NRL: variants seen among roughly 807,000 people sequenced by gnomAD.
NRL encodes the protein neural retina leucine zipper, also known as neural retina-specific leucine zipper protein.
A neutral mutation model predicts 12.5 loss-of-function variants in NRL; 16 were observed. The observed-to-expected ratio is 1.28, with a 90% CI of 0.87 to 1.95. NRL has a LOEUF of 1.95. Among genes scored for constraint, NRL ranks in the 30% most tolerant of loss-of-function variants. The pLI is 0.00. For missense variants in NRL, 314 were observed against 325.8 expected (o/e 0.96, Z 0.28); for synonymous variants, 142 against 150.9 (o/e 0.94, Z 0.43).
chr14:24,098,317 G>GCTGGGCAA (rs754546286), intron 1 of NRL: 1 of 1,614,014 alleles, frequency 6.2e-7, no homozygotes, highest in African/African-American at 1.3e-5. Flanking sequence ...CCCGTGGGCA[G>GCTGGGCAA]CTGGGCAACT....
At chr14:24,100,026 C>A in intron 1 of NRL, 1 of 1,614,078 alleles carries the variant, frequency 6.2e-7, no homozygotes, top group East Asian at 2.2e-5. Flanking sequence ...CTGAGAACGG[C>A]TTCTTTGGGG....
At chr14:24,100,940 T>C (rs899876989) in intron 1 of NRL, among the ~76,000 whole-genome samples, 5 of 152,168 alleles carry the variant, frequency 3.3e-5, no homozygotes, top group Admixed American at 3.3e-4. Context: ...CAGTATTCTT[T>C]CCATGGCCTT....
intron 1 of NRL, chr14:24,110,298 G>T: frequency 2.9e-6 from 1 of 350,286 alleles, no homozygotes; most frequent in Non-Finnish European, 6.0e-6. Context: ...TCGTAGAGAT[G>T]GGGTTTCGTC....
At chr14:24,113,423 A>C (rs1454607372) in intron 1 of NRL, among the ~76,000 whole-genome samples, 1 of 152,188 alleles carries the variant, frequency 6.6e-6, no homozygotes, top group African/African-American at 2.4e-5. Flanking sequence ...AACGCAGGTA[A>C]AATCAATCAA....
chr14:24,083,391 T>C (rs1201941899), intron 1 of NRL, among the ~76,000 whole-genome samples: 1 of 152,218 alleles, frequency 6.6e-6, no homozygotes, highest in Non-Finnish European at 1.5e-5. Context: ...GCCTTGCCTA[T>C]AGAAGACCCT....
chr14:24,110,305 C>T (rs2037399915), intron 1 of NRL: 1 of 366,394 alleles, frequency 2.7e-6, no homozygotes, highest in South Asian at 1.8e-5. Context: ...GATGGGGTTT[C>T]GTCACATTGC....
Position 24,081,241 on chromosome 14 carries a change from G to C in NRL, c.709C>G (p.Leu237Val). The change falls in exon 3 of 3, where the codon CTC (leucine) becomes GTC (valine). Residue 237 changes from leucine to valine, a missense_variant. Transcript: ENST00000561028. This position sits in a 1 kb window ranked among gnomAD's most constrained non-coding sequence, Gnocchi z 4.4. ...CACAAGGTGCTCTGAACGGCTCAGAGGAAGAGGTGGGAGGGGTCCCCGGAC... is the reference window on the plus strand; with the variant it reads ...CACAAGGTGCTCTGAACGGCTCAGACGAAGAGGTGGGAGGGGTCCCCGGAC... ...PGSGDPSHLF[L>V] The C allele has an allele frequency of 6.7e-7, 1 of 1,493,670 alleles. No homozygotes were observed. The highest frequency in any genetic ancestry group is 2.8e-5 in the East Asian group (1 of 36,204). The allele number at this position is 1,493,670 out of a possible 1,614,324, so 92.5% of individuals were successfully genotyped here.
intron 1 of NRL, among the ~76,000 whole-genome samples, chr14:24,112,328 G>C (rs1384949011): frequency 6.7e-6 from 1 of 149,952 alleles, no homozygotes; most frequent in Non-Finnish European, 1.5e-5. Context: ...CCCGGCTTTG[G>C]TATCAGAATG....
chr14:24,094,884 A>C lies in NRL; in HGVS notation c.-27-12009T>G. 1.2e-5 allele frequency: 15 copies of C among 1,243,504 alleles called. No homozygotes were observed. Among genetic ancestry groups the C allele is most frequent in the Admixed American group, 2.3e-5 (1 of 43,246 alleles). The allele number at this position is 1,243,504 out of a possible 1,614,324, so 77.0% of individuals were successfully genotyped here. The stretch of plus-strand genomic sequence containing the variant: ...GGGAGACTAAGCTCAGAGCCCCCTA[A>C]AGAAGGTGGAAGGTTAAATATCCAT... On this transcript the variant is annotated intron_variant, in intron 1 of 2. Transcript: ENST00000561028. This position sits in a 1 kb window ranked among gnomAD's most constrained non-coding sequence, Gnocchi z 4.1.
At chr14:24,098,916 T>TG in intron 1 of NRL, 3 of 762,802 alleles carry the variant, frequency 3.9e-6, no homozygotes, top group Non-Finnish European at 6.6e-6. Flanking sequence ...TATTATGAGG[T>TG]GGGGGGCTTC....
chr14:24,083,670 A>G (rs2036389603), intron 1 of NRL, among the ~76,000 whole-genome samples: 1 of 152,156 alleles, frequency 6.6e-6, no homozygotes, highest in South Asian at 2.1e-4. Flanking sequence ...GGGCAGTTAG[A>G]CTTTGTAACA....
chr14:24,082,744 A>AG lies in NRL; in HGVS notation c.104dup (p.Thr36TyrfsTer20), dbSNP rs1566561006. ...AAGGTGTGGAGCCCAGTGAGGCTGT[A>AG]GGGGGGCCAGGTCGGCCCTCAGAGG... On this transcript the variant is annotated frameshift_variant, in exon 2 of 3. Transcript: ENST00000561028. LOFTEE classifies it high-confidence loss of function. The AG allele has an allele frequency of 6.2e-7, 1 of 1,614,170 alleles. No homozygotes were observed. Among genetic ancestry groups the AG allele is most frequent in the Middle Eastern group, 1.6e-4 (1 of 6,062 alleles).
Position 24,082,324 on chromosome 14 carries a change from T to C in NRL, c.381+144A>G, listed in dbSNP as rs1870447726. On this transcript the variant is annotated intron_variant, in intron 2 of 2. Transcript: ENST00000561028. ...GCAGAATGTAGTTTTCTCGATCTGA[T>C]TGCTTTCAAGGGACCTTCTCCCCTT... 2.8e-5 allele frequency: 29 copies of C among 1,033,748 alleles called. 1 individual carries two copies. The South Asian group carries it at 3.3e-4, about 12-fold the overall frequency. 64.0% of individuals were successfully genotyped at this position (1,033,748 alleles called of 1,614,324 possible). A position where few individuals can be genotyped will look rare whatever the true frequency, so the allele number is the denominator to read the frequency against.
rs2036741931 is a variant in NRL, at chr14:24,094,201, C to G, written c.-27-11326G>C. The G allele has an allele frequency of 1.8e-6, 1 of 561,876 alleles. No homozygotes were observed. Among genetic ancestry groups the G allele is most frequent in the South Asian group, 2.2e-5 (1 of 45,856 alleles). The allele number at this position is 561,876 out of a possible 1,614,324, so 34.8% of individuals were successfully genotyped here. ...GACCTGGAGCCTGGAGCCCCGGGGC[C>G]GAGGGAGCTGGCCTGCCAGCGGGGC... On this transcript the variant is annotated intron_variant, in intron 1 of 2. Transcript: ENST00000561028. The surrounding 1 kb of genome is among the most constrained non-coding windows in gnomAD (Gnocchi z 4.1).
chr14:24,086,493 A>G (rs982773561), intron 1 of NRL, among the ~76,000 whole-genome samples: 1 of 152,236 alleles, frequency 6.6e-6, no homozygotes, highest in Non-Finnish European at 1.5e-5. Flanking sequence ...AAAGAATAAA[A>G]AAGCCTAAGG....
intron 1 of NRL, chr14:24,096,877 C>G (rs2036908040): frequency 6.2e-7 from 1 of 1,606,224 alleles, no homozygotes; most frequent in East Asian, 2.2e-5. Context: ...CTCATTGCCT[C>G]TGTTTCTCCT....
rs1263590381 is a variant in NRL, at chr14:24,098,821, G to A, written c.-28+15901C>T. The A allele has an allele frequency of 3.9e-6, 3 of 770,816 alleles. No individual in the cohort carries two copies. The Admixed American group carries it at 6.7e-5, about 17-fold the overall frequency. 47.7% of individuals were successfully genotyped at this position (770,816 alleles called of 1,614,324 possible). A position where few individuals can be genotyped will look rare whatever the true frequency, so the allele number is the denominator to read the frequency against. On this transcript the variant is annotated intron_variant, in intron 1 of 2. Coordinates refer to ENST00000561028, the MANE Select transcript of NRL (RefSeq NM_001354768.3). ...AAGATCCAGAGCAGCAGTCCCAGCA[G>A]AGGGATAAGGCTGTGTTTGCAGAGC... is the stretch of plus-strand genomic sequence containing the variant.
intron 1 of NRL, among the ~76,000 whole-genome samples, chr14:24,112,568 G>A (rs1315996569): frequency 9.3e-6 from 1 of 107,508 alleles, no homozygotes; most frequent in Non-Finnish European, 1.8e-5. Flanking sequence ...AGTGGGCGAA[G>A]GACATGAACA....
rs1276678067 is a variant in NRL at position 24,080,949 on chromosome 14, T to C, written c.*287A>G. 2 of 331,184 alleles carry C rather than the reference T, an allele frequency of 6.0e-6. No homozygotes were observed. The highest frequency in any genetic ancestry group is 9.3e-5 in the East Asian group (2 of 21,510). The allele number at this position is 331,184 out of a possible 1,614,324, so 20.5% of individuals were successfully genotyped here. A position where few individuals can be genotyped will look rare whatever the true frequency, so the allele number is the denominator to read the frequency against. ...CTCCCATTCACTGTGTCACCACACT[T>C]CCACCCCCCAGTGCCTGGCACTGGT... On this transcript the variant is annotated 3_prime_UTR_variant, in exon 3 of 3. Transcript: ENST00000561028.
Sources: allele counts gnomAD v4.1 joint callset (sites outside exome capture counted in the v4.1 genomes callset), GRCh38; gene constraint gnomAD v4.1.1; non-coding constraint Gnocchi (gnomAD v3.1); transcripts MANE v1.5; gene names NCBI Gene and HGNC (gene_info 2026-07-23, HGNC 2026-07-21).